The following FAM3D variants were observed in gnomAD, a reference collection of about 807,000 sequenced individuals.
FAM3D encodes the protein protein FAM3D.
A neutral mutation model predicts 29.8 loss-of-function variants in FAM3D; 26 were observed. The ratio of observed to expected loss-of-function variants is 0.87; its 90% CI spans 0.64 to 1.21. The LOEUF is 1.21. Among genes scored for constraint, FAM3D ranks in the 50% most tolerant of loss-of-function variants. The probability of loss-of-function intolerance (pLI) is 0.00; values close to 1 mark genes in which losing one functional copy is unlikely to be tolerated. For synonymous variants in FAM3D, 115 were observed against 102.3 expected (o/e 1.12, Z -0.75); for missense variants, 253 against 290.9 (o/e 0.87, Z 0.95).
chr3:58,653,145 G>A (rs2066695477), intron 3 of FAM3D, among the ~76,000 whole-genome samples: 1 of 152,196 alleles, frequency 6.6e-6, no homozygotes, highest in African/African-American at 2.4e-5. Context: ...GACAGATAAT[G>A]ATGGTGTTCT....
chr3:58,652,399 T>C lies in FAM3D; in HGVS notation c.121+1275A>G, dbSNP rs200063500. Among the ~76,000 whole-genome samples the C allele has an allele frequency of 1.4e-4, 15 of 108,816 alleles. 1 individual carries two copies. The South Asian group carries it at 4.7e-3, about 34-fold the overall frequency. 71.4% of individuals were successfully genotyped at this position (108,816 alleles called of 152,430 possible). On this transcript the variant is annotated intron_variant, in intron 3 of 9. Coordinates refer to ENST00000358781, the MANE Select transcript of FAM3D (RefSeq NM_138805.3). ...CCATTCATTCATTCATTCATTCATC[T>C]ATCCACCCACCCACCCACCATCTAC...
In FAM3D at chr3:58,636,340, A is replaced by G. The variant is rs780206420; in HGVS notation, c.539T>C (p.Val180Ala). Residue 180 changes from valine to alanine, a missense_variant, in exon 9 of 10, where the codon GTC becomes GCC. Physicochemically the swap from Val to Ala is moderately conservative, Grantham distance 64. Transcript: ENST00000358781. The part of the protein sequence containing the change: ...AKQLGFRDSW[V>A]FIGAKDLRGK... ...CCTGAGGTCTTTGGCTCCTATGAAG[A>G]CCCAGCTGTCCCGGAAGCCCAGTTG... 1.9e-6 allele frequency: 3 copies of G among 1,614,170 alleles called. No homozygotes were observed. In the South Asian group the frequency reaches 3.3e-5, roughly 18 times the overall value.
At chr3:58,665,882 G>A (rs894011562) in intron 1 of FAM3D, among the ~76,000 whole-genome samples, 9 of 152,138 alleles carry the variant, frequency 5.9e-5, no homozygotes, top group East Asian at 1.9e-4. Flanking sequence ...TCATAGTTGC[G>A]TAGACAATGA....
intron 7 of FAM3D, among the ~76,000 whole-genome samples, chr3:58,639,369 G>GC (rs1335362678): frequency 1.2e-4 from 19 of 152,192 alleles, no homozygotes; most frequent in African/African-American, 4.6e-4. Context: ...AGAAACTGAG[G>GC]CTCAAGAGGC....
chr3:58,658,494 T>G (rs1050733502), intron 1 of FAM3D, among the ~76,000 whole-genome samples: 1 of 151,978 alleles, frequency 6.6e-6, no homozygotes, highest in Non-Finnish European at 1.5e-5. Context: ...CACTTGCGAG[T>G]CCCTCTGTCT....
intron 6 of FAM3D, among the ~76,000 whole-genome samples, chr3:58,641,625 C>A (rs1245609975): frequency 6.6e-6 from 1 of 152,182 alleles, no homozygotes; most frequent in Non-Finnish European, 1.5e-5. Context: ...ACCTCAGCCT[C>A]TCAAAGTGCT....
chr3:58,650,879 G>A (rs2066617959), intron 3 of FAM3D, among the ~76,000 whole-genome samples: 1 of 152,110 alleles, frequency 6.6e-6, no homozygotes, highest in African/African-American at 2.4e-5. Context: ...CACCACGCCC[G>A]GCTAATTTTT....
At chr3:58,659,629 G>T (rs188909396) in intron 1 of FAM3D, among the ~76,000 whole-genome samples, 1 of 152,208 alleles carries the variant, frequency 6.6e-6, no homozygotes, top group Non-Finnish European at 1.5e-5. Context: ...TCCCCTCCAG[G>T]GAGTGGCTCT....
At chr3:58,649,470 G>A (rs9811989) in intron 3 of FAM3D, 132 bp from the exon 4 acceptor site, 684,677 of 1,007,774 alleles carry the variant, frequency 0.68, 236,813 homozygotes, top group South Asian at 0.77. Flanking sequence ...AACTAAAAAT[G>A]CCTTGCCACT....
chr3:58,662,180 C>A (rs1319499675), intron 1 of FAM3D, among the ~76,000 whole-genome samples: 1 of 152,226 alleles, frequency 6.6e-6, no homozygotes, highest in Non-Finnish European at 1.5e-5. Flanking sequence ...CTGGCCCCTG[C>A]AGGCCTGCTG....
chr3:58,655,497 A>T, intron 2 of FAM3D, 54 bp downstream of exon 2: 2 of 1,609,852 alleles, frequency 1.2e-6, no homozygotes, highest in Non-Finnish European at 1.7e-6. Flanking sequence ...TGAGCCCAGG[A>T]TGGGTGGACA....
chr3:58,658,978 C>T (rs986284896), intron 1 of FAM3D, among the ~76,000 whole-genome samples: 1 of 152,152 alleles, frequency 6.6e-6, no homozygotes, highest in Non-Finnish European at 1.5e-5. Flanking sequence ...CATCAGGCAG[C>T]GAAAACCTGT....
chr3:58,663,393 A>C (rs534778465), intron 1 of FAM3D, among the ~76,000 whole-genome samples: 25 of 152,248 alleles, frequency 1.6e-4, no homozygotes, highest in Non-Finnish European at 3.1e-4. Flanking sequence ...GTGTCATGTG[A>C]GCCCCCAGAT....
At chr3:58,644,886 A>T (rs1301711226) in intron 5 of FAM3D, among the ~76,000 whole-genome samples, 1 of 152,184 alleles carries the variant, frequency 6.6e-6, no homozygotes, top group African/African-American at 2.4e-5. Flanking sequence ...AAGCCTGCCT[A>T]CCACCCCTGG....
intron 6 of FAM3D, among the ~76,000 whole-genome samples, chr3:58,640,665 C>T (rs569143988): frequency 9.9e-4 from 151 of 152,382 alleles, no homozygotes; most frequent in Admixed American, 1.7e-3. Flanking sequence ...TTGTGTTGGG[C>T]TAAGCGGTAC....
intron 3 of FAM3D, among the ~76,000 whole-genome samples, chr3:58,649,941 G>A (rs929850952): frequency 1.1e-4 from 16 of 152,240 alleles, no homozygotes; most frequent in Non-Finnish European, 1.6e-4. Flanking sequence ...GCCAAGCCCG[G>A]TGCCTGGCCC....
At chr3:58,653,046 T>A (rs1417114523) in intron 3 of FAM3D, among the ~76,000 whole-genome samples, 2 of 152,006 alleles carry the variant, frequency 1.3e-5, no homozygotes, top group Admixed American at 1.3e-4. Flanking sequence ...GAGAGGTGGA[T>A]GCACACAAAA....
At chr3:58,645,404 G>C in intron 5 of FAM3D, 105 bp downstream of exon 5, 1 of 772,892 alleles carries the variant, frequency 1.3e-6, no homozygotes, top group Non-Finnish European at 1.9e-6. Flanking sequence ...GGAAGCTGTG[G>C]GCTGGTCTCA....
intron 3 of FAM3D, among the ~76,000 whole-genome samples, chr3:58,652,038 T>A (rs2066651457): frequency 1.3e-5 from 2 of 152,164 alleles, no homozygotes; most frequent in Non-Finnish European, 2.9e-5. Flanking sequence ...CACTGATGTT[T>A]GTGATGATGT....
Sources: allele counts gnomAD v4.1 joint callset (sites outside exome capture counted in the v4.1 genomes callset), GRCh38; gene constraint gnomAD v4.1.1; transcripts MANE v1.5; gene names NCBI Gene and HGNC (gene_info 2026-07-23, HGNC 2026-07-21).